SLC4A1AP: variants seen among roughly 807,000 people sequenced by gnomAD.
The protein encoded by SLC4A1AP is solute carrier family 4 member 1 adaptor protein.
SLC4A1AP carries 64 observed loss-of-function variants against 89.7 expected under a neutral mutation model. The ratio of observed to expected loss-of-function variants is 0.71; its 90% CI spans 0.58 to 0.88. The LOEUF is 0.88. Ranked by LOEUF, SLC4A1AP falls within the 40% of genes least tolerant of loss-of-function variation. SLC4A1AP has a pLI of 0.00. For synonymous variants in SLC4A1AP, 366 were observed against 353.3 expected (o/e 1.04, Z -0.40); for missense variants, 931 against 965.0 (o/e 0.96, Z 0.47).
Position 27,684,535 on chromosome 2 carries a change from T to A in SLC4A1AP, c.1876-502T>A, listed in dbSNP as rs148523247. 4.7e-4 allele frequency among the ~76,000 whole-genome samples: 71 copies of A among 152,342 alleles called. No homozygotes were observed. In the East Asian group the frequency reaches 0.013, roughly 29 times the overall value. On this transcript the variant is annotated intron_variant, in intron 9 of 13. Coordinates refer to ENST00000613058, the Ensembl canonical transcript of SLC4A1AP. ...AAATACTTTTATTGAATGGCTTTGATTAGAATATTTAGCTTTATTCTTTGA... is the reference window on the plus strand; with the variant it reads ...AAATACTTTTATTGAATGGCTTTGAATAGAATATTTAGCTTTATTCTTTGA...
intron 12 of SLC4A1AP, chr2:27,692,609 GT>G: frequency 6.6e-6 from 1 of 152,216 alleles, no homozygotes; most frequent in East Asian, 1.9e-4. Context: ...CTATCATTGT[GT>G]TGCTGTCTTT....
chr2:27,685,291 TCTC>T lies in SLC4A1AP; in HGVS notation c.2116+17_2116+19del. On this transcript the variant is annotated intron_variant, in intron 10 of 13. Transcript: ENST00000613058. ...CCCAAACCCATGGTAATATCTTTCT[TCTC>T]CTTCCTGTGTTGTTCAGTGGGCAGT... 2 of 1,599,080 alleles carry T rather than the reference TCTC, an allele frequency of 1.3e-6. No homozygotes were observed. The highest frequency in any genetic ancestry group is 8.5e-7 in the Non-Finnish European group (1 of 1,174,632).
exon 4 of SLC4A1AP, chr2:27,668,902 A>G: frequency 1.2e-6 from 2 of 1,613,698 alleles, no homozygotes; most frequent in Non-Finnish European, 8.5e-7. Flanking sequence ...CTGCAGGGTG[A>G]GGTATGCTCT....
At chr2:27,665,914 C>T (rs1245209605) in intron 2 of SLC4A1AP, among the ~76,000 whole-genome samples, 6 of 152,066 alleles carry the variant, frequency 3.9e-5, no homozygotes, top group Non-Finnish European at 7.4e-5. Context: ...AGCTAGAAAC[C>T]ATAAGTATGC....
rs1259912423 is a variant in SLC4A1AP, at chr2:27,677,939, T to C, written c.1763+15T>C. 3.3e-6 allele frequency: 5 copies of C among 1,532,866 alleles called. No individual in the cohort carries two copies. Among genetic ancestry groups the C allele is most frequent in the Non-Finnish European group, 4.4e-6 (5 of 1,127,822 alleles). The allele number at this position is 1,532,866 out of a possible 1,614,324, so 95.0% of individuals were successfully genotyped here. A position where few individuals can be genotyped will look rare whatever the true frequency, so the allele number is the denominator to read the frequency against. On this transcript the variant is annotated intron_variant, in intron 8 of 13. Transcript: ENST00000613058. ...GAACTAAAAAAGTAAGTCTTAGTTA[T>C]ATTTGGAATTCTAAATAAGTATGGT...
chr2:27,693,578 T>G (rs988414960), intron 12 of SLC4A1AP, 107 bp from the exon 13 acceptor site: 1 of 754,254 alleles, frequency 1.3e-6, no homozygotes, highest in Non-Finnish European at 2.1e-6. Context: ...TTGACTAATG[T>G]TTATTCTGCT....
chr2:27,664,277 C>T (rs1329380098), exon 1 of SLC4A1AP: 2 of 1,614,110 alleles, frequency 1.2e-6, no homozygotes, highest in East Asian at 2.2e-5. Flanking sequence ...TGAAGGGCGG[C>T]ACTATCCTTG....
intron 2 of SLC4A1AP, among the ~76,000 whole-genome samples, chr2:27,665,545 C>A (rs1675303196): frequency 6.6e-6 from 1 of 152,006 alleles, no homozygotes; most frequent in Non-Finnish European, 1.5e-5. Flanking sequence ...AAAACTTGTC[C>A]TAAGCATAAA....
rs56759152 is a variant in SLC4A1AP, at chr2:27,673,990, TTGTGTGTGTGTGTGTGTGTGTGTGTG to T, written c.1346-1526_1346-1501del. ...TCAGCATCACCAGGACATATACAAGTTGTGTGTGTGTGTGTGTGTGTGTGTGTGTGTGTGTGTGTGTCTGTGAGTGA... is the reference window on the plus strand; with the variant it reads ...TCAGCATCACCAGGACATATACAAGTTGTGTGTGTGTGTGTCTGTGAGTGA... On this transcript the variant is annotated intron_variant, in intron 5 of 13. Coordinates refer to ENST00000613058, the Ensembl canonical transcript of SLC4A1AP. Among the ~76,000 whole-genome samples, 24 of 148,660 alleles carry T rather than the reference TTGTGTGTGTGTGTGTGTGTGTGTGTG, an allele frequency of 1.6e-4. No individual in the cohort carries two copies. The East Asian group carries it at 4.3e-3, about 27-fold the overall frequency.
chr2:27,676,004 T>C (rs1247521811), intron 6 of SLC4A1AP, among the ~76,000 whole-genome samples: 1 of 152,204 alleles, frequency 6.6e-6, no homozygotes, highest in East Asian at 1.9e-4. Flanking sequence ...CGTTCTGAGG[T>C]GAAATTGACT....
chr2:27,692,485 T>C (rs1675803542), intron 12 of SLC4A1AP: 1 of 152,186 alleles, frequency 6.6e-6, no homozygotes, highest in Non-Finnish European at 1.5e-5. Flanking sequence ...CTGGAGTAGA[T>C]GTTCTGTAAA....
chr2:27,670,681 C>T (rs1391712991), intron 5 of SLC4A1AP, among the ~76,000 whole-genome samples: 1 of 151,438 alleles, frequency 6.6e-6, no homozygotes, highest in Non-Finnish European at 1.5e-5. Flanking sequence ...ACGGTGAAAC[C>T]CCGTCTCTAC....
At position 27,665,262 on chromosome 2, in the gene SLC4A1AP, C is replaced by T; in HGVS notation, c.988C>T (p.Gln330Ter). The T allele has an allele frequency of 6.2e-7, 1 of 1,610,178 alleles. No individual in the cohort carries two copies. Residue 330 changes from glutamine to a stop codon, truncating the protein, a stop_gained, in exon 2 of 14, where the codon CAA (glutamine) becomes TAA (stop). Transcript: ENST00000613058. LOFTEE classifies it high-confidence loss of function. ...TGAAAGGAAGATAAATGCTGGTAGC[C>T]AAGATGATGAGATGGGTTGCACCTG...
intron 7 of SLC4A1AP, 22 bp from the exon 8 acceptor site, chr2:27,677,716 G>A (rs762094348): frequency 2.4e-5 from 37 of 1,547,204 alleles, no homozygotes; most frequent in Non-Finnish European, 3.2e-5. Flanking sequence ...TTCTAAACAT[G>A]TGTTATTCTT....
intron 5 of SLC4A1AP, among the ~76,000 whole-genome samples, chr2:27,674,393 T>C (rs1428192776): frequency 6.6e-6 from 1 of 152,176 alleles, no homozygotes; most frequent in Non-Finnish European, 1.5e-5. Context: ...ATAAATACTA[T>C]TGCATTGATA....
chr2:27,671,471 C>T (rs1675427181), intron 5 of SLC4A1AP, among the ~76,000 whole-genome samples: 1 of 152,166 alleles, frequency 6.6e-6, no homozygotes, highest in Non-Finnish European at 1.5e-5. Flanking sequence ...TCAGTAGCCT[C>T]ACCACATCAA....
chr2:27,681,003 C>A (rs552342752), intron 8 of SLC4A1AP, among the ~76,000 whole-genome samples: 1 of 152,208 alleles, frequency 6.6e-6, no homozygotes, highest in South Asian at 2.1e-4. Flanking sequence ...GTTGAACTTC[C>A]AAACTTTCTG....
At position 27,682,246 on chromosome 2, in the gene SLC4A1AP, A is replaced by G; in HGVS notation, c.1764-2A>G. 1 of 1,599,388 alleles carries G rather than the reference A, an allele frequency of 6.3e-7. No homozygotes were observed. Among genetic ancestry groups the G allele is most frequent in the African/African-American group, 1.3e-5 (1 of 74,586 alleles). On this transcript the variant is annotated splice_acceptor_variant, in intron 8 of 13. Transcript: ENST00000613058. LOFTEE classifies it high-confidence loss of function. ...ATGTGTATAATTATTCTTTCTTCCT[A>G]GGACTGAAACTCAGACTACAGGTGC...
At chr2:27,680,816 C>T (rs1479576032) in intron 8 of SLC4A1AP, among the ~76,000 whole-genome samples, 1 of 146,160 alleles carries the variant, frequency 6.8e-6, no homozygotes, top group Non-Finnish European at 1.5e-5. Flanking sequence ...ACAACAACAA[C>T]AACATTTGGG....
Sources: gnomAD v4.1 joint callset for allele counts (sites outside exome capture counted in the v4.1 genomes callset) on GRCh38, gnomAD v4.1.1 for gene constraint, MANE v1.5 for transcripts, NCBI Gene and HGNC (gene_info 2026-07-23, HGNC 2026-07-21) for gene names.